The following GDPD4 variants were observed in gnomAD, a reference collection of about 807,000 sequenced individuals.
GDPD4 encodes the protein glycerophosphodiester phosphodiesterase 6.
A neutral mutation model predicts 67.8 loss-of-function variants in GDPD4; 60 were observed. That is an observed-to-expected ratio of 0.88 (90% confidence interval 0.72 to 1.10). The LOEUF is 1.10. GDPD4 is among the 50% of genes least tolerant of loss of function. The probability of loss-of-function intolerance (pLI) is 0.00; values close to 1 mark genes in which losing one functional copy is unlikely to be tolerated. For missense variants in GDPD4, 623 were observed against 613.9 expected, an observed-to-expected ratio of 1.01 and a Z score of -0.16; for synonymous variants, 212 against 210.9, an observed-to-expected ratio of 1.00 and a Z score of -0.04.
chr11:77,247,945 G>A (rs1591544602), intron 11 of GDPD4, among the ~76,000 whole-genome samples: 1 of 151,596 alleles, frequency 6.6e-6, no homozygotes, highest in African/African-American at 2.4e-5. Flanking sequence ...CCAGCTACTT[G>A]GGAGGCTGAG....
At chr11:77,255,955 C>G (rs1400313122) in intron 11 of GDPD4, among the ~76,000 whole-genome samples, 1 of 152,074 alleles carries the variant, frequency 6.6e-6, no homozygotes, top group Non-Finnish European at 1.5e-5. Flanking sequence ...TCTGAATGTA[C>G]TTAGAATTAT....
intron 2 of GDPD4, 38 bp from the exon 3 acceptor site, chr11:77,285,225 T>G (rs1209929794): frequency 9.6e-7 from 1 of 1,042,338 alleles, no homozygotes; most frequent in Non-Finnish European, 1.5e-6. Flanking sequence ...TAGCTCCATT[T>G]ATCCTTGTTA....
chr11:77,271,024 G>A (rs899771389), intron 7 of GDPD4, 106 bp downstream of exon 7: 1 of 736,192 alleles, frequency 1.4e-6, no homozygotes, highest in Non-Finnish European at 2.3e-6. Context: ...GAATTTCAAC[G>A]AGGCATAGGG....
At chr11:77,270,714 CACAAACAA>C (rs540685783) in intron 7 of GDPD4, among the ~76,000 whole-genome samples, 1 of 152,102 alleles carries the variant, frequency 6.6e-6, no homozygotes, top group Non-Finnish European at 1.5e-5. Flanking sequence ...TCTCAAAAAA[CACAAACAA>C]ACAAACAAAC....
chr11:77,294,439 A>T (rs12288454), intron 1 of GDPD4, among the ~76,000 whole-genome samples: 6,115 of 152,292 alleles, frequency 0.04, 435 homozygotes, highest in African/African-American at 0.14. Flanking sequence ...CTGCATGCTG[A>T]AAACTATAAG....
chr11:77,301,385 T>A (rs1385327833), intron 1 of GDPD4, among the ~76,000 whole-genome samples: 1 of 151,922 alleles, frequency 6.6e-6, no homozygotes, highest in Non-Finnish European at 1.5e-5. Context: ...CCTTCGCCAT[T>A]AACAACTAGA....
intron 1 of GDPD4, among the ~76,000 whole-genome samples, chr11:77,296,102 TTA>T (rs1195167860): frequency 6.6e-6 from 1 of 151,276 alleles, no homozygotes; most frequent in East Asian, 2.0e-4. Context: ...ATACAAAAAA[TTA>T]GCCAGGCATG....
chr11:77,284,539 T>C (rs1959908179), intron 3 of GDPD4, among the ~76,000 whole-genome samples: 1 of 152,136 alleles, frequency 6.6e-6, no homozygotes, highest in Non-Finnish European at 1.5e-5. Flanking sequence ...ATAACAAGAT[T>C]TGCAGGAAGG....
At chr11:77,245,644 G>A in intron 11 of GDPD4, 142 bp from the exon 12 acceptor site, 1 of 616,862 alleles carries the variant, frequency 1.6e-6, no homozygotes, top group Non-Finnish European at 2.9e-6. Context: ...GAAAACAGGT[G>A]ACAAGGAGAG....
intron 1 of GDPD4, among the ~76,000 whole-genome samples, chr11:77,293,544 A>C (rs1937849721): frequency 6.6e-6 from 1 of 151,810 alleles, no homozygotes; most frequent in South Asian, 2.1e-4. Flanking sequence ...CAGTAAGCCA[A>C]GATCACACCA....
At chr11:77,218,096 A>AT (rs35719470) in intron 16 of GDPD4, among the ~76,000 whole-genome samples, 58,068 of 147,398 alleles carry the variant, frequency 0.39, 11,481 homozygotes, top group Admixed American at 0.48. Flanking sequence ...ATGAGCTTCC[A>AT]TTTTTTTTTT....
chr11:77,243,177 T>C (rs921850547), intron 13 of GDPD4, among the ~76,000 whole-genome samples: 2 of 152,224 alleles, frequency 1.3e-5, no homozygotes, highest in African/African-American at 4.8e-5. Context: ...TCTCTAATTG[T>C]ATATTTATAA....
At position 77,245,346 on chromosome 11, in the gene GDPD4, G is replaced by C. The variant is rs1210817231; in HGVS notation, c.1021C>G (p.Leu341Val). 2 of 1,614,160 alleles carry C rather than the reference G, an allele frequency of 1.2e-6. No homozygotes were observed. The highest frequency in any genetic ancestry group is 2.2e-5 in the South Asian group (2 of 91,076). The part of the protein sequence containing the change: ...DLHRPPPKHP[L>V]RHTFVRQVVS... ...ACTTGGCGGACAAATGTGTGTCTGAGAGGATGTTTTGGTGGAGGGCGATGA... is the reference window on the plus strand; with the variant it reads ...ACTTGGCGGACAAATGTGTGTCTGACAGGATGTTTTGGTGGAGGGCGATGA... The change falls in exon 12 of 17, where the codon CTC (leucine) becomes GTC (valine). Residue 341 changes from leucine (L) to valine (V), a missense_variant. By Grantham distance (32) the Leu-to-Val change is conservative. Transcript: ENST00000315938.
At position 77,271,214 on chromosome 11, in the gene GDPD4, G is replaced by T; in HGVS notation, c.316C>A (p.Pro106Thr). Residue 106 changes from proline to threonine, a missense_variant, in exon 7 of 17, where the codon CCC (proline) becomes ACC (threonine). Coordinates refer to ENST00000315938, the MANE Select transcript of GDPD4 (RefSeq NM_182833.3). Reference protein sequence around the residue: ...VAGLSMQIFAPYVHLVSITVM... With the variant: ...VAGLSMQIFATYVHLVSITVM... The stretch of plus-strand genomic sequence containing the variant: ...GTTATGCTGACCAGGTGCACGTAGG[G>T]AGCAAAGATCTGTGAGAAAGCCAAA... The T allele has an allele frequency of 6.2e-7, 1 of 1,613,298 alleles. No homozygotes were observed. Among genetic ancestry groups the T allele is most frequent in the South Asian group, 1.1e-5 (1 of 90,836 alleles).
intron 11 of GDPD4, among the ~76,000 whole-genome samples, chr11:77,250,725 G>A (rs1235208093): frequency 6.6e-6 from 1 of 152,120 alleles, no homozygotes; most frequent in Non-Finnish European, 1.5e-5. Flanking sequence ...TTGTCTAGAT[G>A]ATCTGTTCAA....
chr11:77,247,908 C>T (rs375768888), intron 11 of GDPD4, among the ~76,000 whole-genome samples: 12 of 151,936 alleles, frequency 7.9e-5, no homozygotes, highest in Middle Eastern at 3.4e-3. Context: ...AAAATTTAGC[C>T]GGCTGTGGTG....
intron 16 of GDPD4, among the ~76,000 whole-genome samples, chr11:77,225,948 CTT>C (rs909518615): frequency 1.6e-4 from 25 of 152,236 alleles, no homozygotes; most frequent in African/African-American, 5.5e-4. Flanking sequence ...CTAGATATCT[CTT>C]TGAGGTACCC....
At chr11:77,268,673 T>C (rs1959190611) in intron 9 of GDPD4, 134 bp from the exon 10 acceptor site, 1 of 776,598 alleles carries the variant, frequency 1.3e-6, no homozygotes, top group African/African-American at 1.7e-5. Flanking sequence ...TCAAAACCTG[T>C]ATACCCTCCG....
intron 10 of GDPD4, among the ~76,000 whole-genome samples, chr11:77,260,256 A>T (rs1959086380): frequency 6.6e-6 from 1 of 151,378 alleles, no homozygotes; most frequent in Non-Finnish European, 1.5e-5. Context: ...CAGTTAGACA[A>T]AATCGCGCCA....
Sources: gnomAD v4.1 joint callset for allele counts (sites outside exome capture counted in the v4.1 genomes callset) on GRCh38, gnomAD v4.1.1 for gene constraint, MANE v1.5 for transcripts, NCBI Gene and HGNC (gene_info 2026-07-23, HGNC 2026-07-21) for gene names.